The following ALOX5 variants were observed in gnomAD, a reference collection of about 807,000 sequenced individuals.
ALOX5 encodes the protein arachidonate 5-lipoxygenase, also known as polyunsaturated fatty acid 5-lipoxygenase.
Under a neutral mutation model 87.9 loss-of-function variants are expected in ALOX5, and 64 were observed. The observed-to-expected ratio is 0.73, with a 90% CI of 0.60 to 0.90. The LOEUF (loss-of-function observed/expected upper bound fraction) is 0.90, where lower values mean the gene tolerates loss of function less well. Among genes scored for constraint, ALOX5 ranks in the 40% least tolerant of loss-of-function variants. ALOX5 has a pLI of 0.00. For synonymous variants in ALOX5, 388 were observed against 355.1 expected (o/e 1.09, Z -1.04); for missense variants, 822 against 907.5 (o/e 0.91, Z 1.21).
At chr10:45,443,569 T>C (rs202076013) in intron 11 of ALOX5, 32 bp downstream of exon 11, 2 of 1,599,904 alleles carry the variant, frequency 1.3e-6, no homozygotes, top group Non-Finnish European at 1.7e-6. Flanking sequence ...CGGACCCGGC[T>C]CCCCCGCAGT....
chr10:45,378,645 T>C (rs907808680), intron 1 of ALOX5, among the ~76,000 whole-genome samples: 2 of 152,228 alleles, frequency 1.3e-5, no homozygotes, highest in African/African-American at 4.8e-5. Flanking sequence ...GTTTGACACA[T>C]GTGACCCTGG....
chr10:45,403,541 C>T lies in ALOX5; in HGVS notation c.431+7605C>T, dbSNP rs1256745627. 2.0e-5 allele frequency among the ~76,000 whole-genome samples: 3 copies of T among 152,034 alleles called. No homozygotes were observed. In the East Asian group the frequency reaches 5.8e-4, roughly 29 times the overall value. On this transcript the variant is annotated intron_variant, in intron 3 of 13. Transcript: ENST00000374391. ...TCTGATTTTTTACCTGGATGGTGTTCGTACAGGTGTTTTGTACATTTTTCT... is the reference window on the plus strand; with the variant it reads ...TCTGATTTTTTACCTGGATGGTGTTTGTACAGGTGTTTTGTACATTTTTCT...
At chr10:45,419,043 T>C (rs1272775795) in intron 4 of ALOX5, among the ~76,000 whole-genome samples, 1 of 152,060 alleles carries the variant, frequency 6.6e-6, no homozygotes, top group East Asian at 1.9e-4. Flanking sequence ...AGCCGCCCTC[T>C]CCCCAGGACC....
At chr10:45,398,980 CAT>C (rs1417975479) in intron 3 of ALOX5, among the ~76,000 whole-genome samples, 1 of 152,200 alleles carries the variant, frequency 6.6e-6, no homozygotes, top group East Asian at 1.9e-4. Flanking sequence ...GAAATGGAAA[CAT>C]ATGCCCACAC....
chr10:45,412,078 G>A lies in ALOX5; in HGVS notation c.432-113G>A, dbSNP rs41491445. 4,392 of 1,466,918 alleles carry A rather than the reference G, an allele frequency of 3.0e-3. 111 individuals carry two copies. The African/African-American group carries it at 0.054, about 18-fold the overall frequency. 90.9% of individuals were successfully genotyped at this position (1,466,918 alleles called of 1,614,324 possible). ...GCCTATGATGTGTTGACTTTATTTT[G>A]AGTACATCAATCTCCCTGTGTAACA... On this transcript the variant is annotated intron_variant, in intron 3 of 13. Coordinates refer to ENST00000374391, the MANE Select transcript of ALOX5 (RefSeq NM_000698.5).
At chr10:45,375,869 A>C (rs897556771) in intron 1 of ALOX5, among the ~76,000 whole-genome samples, 3 of 152,208 alleles carry the variant, frequency 2.0e-5, no homozygotes, top group Non-Finnish European at 4.4e-5. Context: ...GGTGCCCTGG[A>C]GTTAATGTGT....
intron 4 of ALOX5, among the ~76,000 whole-genome samples, chr10:45,419,020 G>T (rs573542924): frequency 6.6e-6 from 1 of 152,242 alleles, no homozygotes; most frequent in African/African-American, 2.4e-5. Context: ...GCTCCGGGAA[G>T]GGTGGCGGAT....
At chr10:45,438,738 G>A (rs1842132849) in intron 7 of ALOX5, among the ~76,000 whole-genome samples, 1 of 152,362 alleles carries the variant, frequency 6.6e-6, no homozygotes, top group South Asian at 2.1e-4. Flanking sequence ...TGGGTGCAGA[G>A]TTCTGAGACC....
intron 4 of ALOX5, among the ~76,000 whole-genome samples, chr10:45,415,361 C>T (rs568938399): frequency 6.6e-6 from 1 of 152,284 alleles, no homozygotes; most frequent in East Asian, 1.9e-4. Flanking sequence ...CGCATGTTCT[C>T]ACTCATAGGT....
At chr10:45,421,584 C>T (rs915099783) in intron 4 of ALOX5, among the ~76,000 whole-genome samples, 7 of 152,322 alleles carry the variant, frequency 4.6e-5, no homozygotes, top group Middle Eastern at 3.4e-3. Context: ...ACTCAGCTGA[C>T]GAGGGGTGCT....
chr10:45,377,541 T>C (rs1481186296), intron 1 of ALOX5, among the ~76,000 whole-genome samples: 2 of 152,184 alleles, frequency 1.3e-5, no homozygotes, highest in East Asian at 3.9e-4. Flanking sequence ...CTCTGCCCCT[T>C]GGTCTCCCTA....
intron 2 of ALOX5, among the ~76,000 whole-genome samples, chr10:45,391,036 TCCCATCTC>T (rs1250572358): frequency 0.028 from 1,275 of 44,764 alleles, 9 homozygotes; most frequent in East Asian, 0.074. Flanking sequence ...CTCTCCCCTC[TCCCATCTC>T]CCCTCTCCCC....
At chr10:45,385,124 G>T (rs1839967872) in intron 2 of ALOX5, among the ~76,000 whole-genome samples, 1 of 152,166 alleles carries the variant, frequency 6.6e-6, no homozygotes, top group Non-Finnish European at 1.5e-5. Flanking sequence ...TGGGATTACA[G>T]TCATGAGCTA....
intron 3 of ALOX5, among the ~76,000 whole-genome samples, chr10:45,402,849 G>T (rs773675121): frequency 1.1e-4 from 16 of 152,214 alleles, no homozygotes; most frequent in Non-Finnish European, 2.2e-4. Flanking sequence ...AGAAGTTTGA[G>T]TACTTACTGT....
intron 5 of ALOX5, among the ~76,000 whole-genome samples, chr10:45,424,632 G>A (rs895736332): frequency 7.2e-5 from 11 of 152,232 alleles, no homozygotes; most frequent in Non-Finnish European, 1.3e-4. Flanking sequence ...CTGAAATCAG[G>A]ACATGGGGAA....
At chr10:45,391,421 G>A (rs528128631) in intron 2 of ALOX5, among the ~76,000 whole-genome samples, 1 of 152,216 alleles carries the variant, frequency 6.6e-6, no homozygotes, top group Non-Finnish European at 1.5e-5. Context: ...CTGGGGTGCA[G>A]TGGCGTGATC....
chr10:45,392,701 C>T (rs1588994943), intron 2 of ALOX5, among the ~76,000 whole-genome samples: 2 of 141,426 alleles, frequency 1.4e-5, no homozygotes, highest in Admixed American at 1.4e-4. Context: ...CAAGAATGAT[C>T]AATTAAAAAA....
intron 2 of ALOX5, among the ~76,000 whole-genome samples, chr10:45,392,407 C>T (rs1404591517): frequency 3.3e-5 from 5 of 151,496 alleles, no homozygotes; most frequent in Admixed American, 2.0e-4. Flanking sequence ...TATGACCTTA[C>T]CCCCAACCCT....
intron 2 of ALOX5, among the ~76,000 whole-genome samples, chr10:45,388,389 C>A (rs1314589660): frequency 1.3e-5 from 2 of 152,212 alleles, no homozygotes. Flanking sequence ...GACAGACTGC[C>A]CCCTCAAGTG....
Sources: allele counts gnomAD v4.1 joint callset (sites outside exome capture counted in the v4.1 genomes callset), GRCh38; gene constraint gnomAD v4.1.1; transcripts MANE v1.5; gene names NCBI Gene and HGNC (gene_info 2026-07-23, HGNC 2026-07-21).